Variants in NSUN2 observed in about 807,000 individuals in gnomAD.
NSUN2 encodes the protein RNA cytosine C(5)-methyltransferase NSUN2.
A neutral mutation model predicts 92.7 loss-of-function variants in NSUN2; 63 were observed. The ratio of observed to expected loss-of-function variants is 0.68; its 90% CI spans 0.56 to 0.84. NSUN2 has a LOEUF of 0.84. Among genes scored for constraint, NSUN2 ranks in the 40% least tolerant of loss-of-function variants. NSUN2 has a pLI of 0.00. For missense variants in NSUN2, 989 were observed against 964.9 expected (o/e 1.02, Z -0.33); for synonymous variants, 356 against 348.3 (o/e 1.02, Z -0.25).
intron 9 of NSUN2, among the ~76,000 whole-genome samples, chr5:6,615,431 T>G (rs1017403079): frequency 3.9e-5 from 6 of 152,158 alleles, no homozygotes; most frequent in African/African-American, 1.2e-4. Context: ...GTAATTTCAT[T>G]ACAACTAAAC....
chr5:6,609,185 G>C (rs1279264203), intron 12 of NSUN2, among the ~76,000 whole-genome samples: 1 of 152,176 alleles, frequency 6.6e-6, no homozygotes, highest in Non-Finnish European at 1.5e-5. Context: ...TTCCAGGCCA[G>C]GTTCTTTCAT....
intron 18 of NSUN2, among the ~76,000 whole-genome samples, chr5:6,601,342 G>A (rs989255634): frequency 6.6e-5 from 10 of 151,978 alleles, no homozygotes; most frequent in South Asian, 6.2e-4. Context: ...TCAAACTCTC[G>A]TTAAAAACAC....
rs3996725 is a variant in NSUN2 at position 6,606,697 on chromosome 5, TAAA to T, written c.1601+120_1601+122del. The stretch of plus-strand genomic sequence containing the variant: ...TGCTCTAATATGCAGTTAAAAAGGT[TAAA>T]AAAAAAAAAAAAGCTAGACAGAACT... On this transcript the variant is annotated intron_variant, in intron 14 of 18. Transcript: ENST00000264670. 0.52 allele frequency: 245,134 copies of T among 470,702 alleles called. 48,204 individuals are homozygous for T. Among genetic ancestry groups the T allele is most frequent in the Non-Finnish European group, 0.55 (147,391 of 267,018 alleles). The allele number at this position is 470,702 out of a possible 1,614,324, so 29.2% of individuals were successfully genotyped here.
At chr5:6,606,596 T>A (rs572620687) in intron 14 of NSUN2, among the ~76,000 whole-genome samples, 15 of 152,170 alleles carry the variant, frequency 9.9e-5, no homozygotes, top group East Asian at 5.8e-4. Flanking sequence ...AGTTTTTTTT[T>A]ATCTATCATG....
chr5:6,623,292 GAAA>G lies in NSUN2; in HGVS notation c.466-10_466-8del, dbSNP rs368018490. On this transcript the variant is annotated splice_polypyrimidine_tract_variant and splice_region_variant and intron_variant, in intron 4 of 18. Transcript: ENST00000264670. ...CTTGACGACTAATATTTCCCTTGAG[GAAA>G]AAAAAAAAATCAGCAACAATTAGGA... 7 of 1,092,812 alleles carry G rather than the reference GAAA, an allele frequency of 6.4e-6. No homozygotes were observed. Among genetic ancestry groups the G allele is most frequent in the South Asian group, 3.3e-5 (2 of 59,798 alleles). 67.7% of individuals were successfully genotyped at this position (1,092,812 alleles called of 1,614,324 possible). A position where few individuals can be genotyped will look rare whatever the true frequency, so the allele number is the denominator to read the frequency against.
intron 4 of NSUN2, among the ~76,000 whole-genome samples, 180 bp downstream of exon 4, chr5:6,625,384 A>G (rs764357223): frequency 6.6e-6 from 1 of 152,204 alleles, no homozygotes; most frequent in Non-Finnish European, 1.5e-5. Context: ...AGATAAACCA[A>G]ACAAGGCAAC....
At position 6,620,313 on chromosome 5, in the gene NSUN2, T is replaced by C. The variant is rs1264076812; in HGVS notation, c.623-15A>G. On this transcript the variant is annotated splice_polypyrimidine_tract_variant and intron_variant, in intron 6 of 18. Transcript: ENST00000264670. ...AACAAATCCCTCTGAAGGCACAGAA[T>C]TGCAGTGTCAGGTGAAATGGAGCCT... The C allele has an allele frequency of 1.3e-6, 2 of 1,538,316 alleles. No homozygotes were observed. Among genetic ancestry groups the C allele is most frequent in the Middle Eastern group, 1.9e-4 (1 of 5,270 alleles).
intron 8 of NSUN2, among the ~76,000 whole-genome samples, 155 bp from the exon 9 acceptor site, chr5:6,617,012 CT>C (rs1250255820): frequency 6.6e-6 from 1 of 152,008 alleles, no homozygotes. Flanking sequence ...TTAGAGTAAA[CT>C]TATATAAAGT....
At chr5:6,601,061 G>A (rs1736533803) in intron 18 of NSUN2, among the ~76,000 whole-genome samples, 2 of 152,046 alleles carry the variant, frequency 1.3e-5, no homozygotes, top group South Asian at 2.1e-4. Flanking sequence ...CCTAACGGCC[G>A]TGTTTAATCA....
rs759613821 is a variant in NSUN2 at position 6,611,054 on chromosome 5, T to C, written c.1127A>G (p.Asp376Gly). The change falls in exon 11 of 19, where the codon GAC becomes GGC. Residue 376 changes from aspartate to glycine, a missense_variant. Transcript: ENST00000264670. Reference protein sequence around the residue: ...VMTKDGQWFTDWDAVPHSRHT... With the variant: ...VMTKDGQWFTGWDAVPHSRHT... ...TCTGCTGTGAGGAACAGCGTCCCAG[T>C]CTGTAAACCACTGCCCATCTTTCGT... is the stretch of plus-strand genomic sequence containing the variant. The C allele has an allele frequency of 3.7e-6, 6 of 1,614,032 alleles. No homozygotes were observed. In the East Asian group the frequency reaches 1.1e-4, roughly 30 times the overall value.
chr5:6,618,986 T>C (rs898895258), intron 7 of NSUN2, among the ~76,000 whole-genome samples: 1 of 152,206 alleles, frequency 6.6e-6, no homozygotes, highest in African/African-American at 2.4e-5. Flanking sequence ...ACACTAGTTG[T>C]TTGCATGGTA....
intron 16 of NSUN2, 120 bp from the exon 17 acceptor site, chr5:6,604,396 T>C (rs1736675899): frequency 2.9e-6 from 3 of 1,024,164 alleles, no homozygotes; most frequent in Non-Finnish European, 4.3e-6. Context: ...CTATGGCCCC[T>C]CCCCTTGGAC....
chr5:6,620,616 G>A, intron 6 of NSUN2: 1 of 201,066 alleles, frequency 5.0e-6, no homozygotes, highest in Non-Finnish European at 9.9e-6. Context: ...AAGATGAGGA[G>A]AAAGGTGTAG....
rs571550 is a variant in NSUN2 at position 6,632,796 on chromosome 5, G to A, written c.97-40C>T. The A allele has an allele frequency of 0.52, 828,811 of 1,595,650 alleles. 217,369 individuals carry two copies. The highest frequency in any genetic ancestry group is 0.67 in the African/African-American group (49,898 of 74,390). ...AGACGTCTACCCCGAGGCCCAAGGAGCCGCCCCCTCGCCGCCGCCTCGCAG... is the reference window on the plus strand; with the variant it reads ...AGACGTCTACCCCGAGGCCCAAGGAACCGCCCCCTCGCCGCCGCCTCGCAG... On this transcript the variant is annotated intron_variant, in intron 1 of 18. Coordinates refer to ENST00000264670, the MANE Select transcript of NSUN2 (RefSeq NM_017755.6).
chr5:6,604,946 T>C (rs1736701589), intron 15 of NSUN2: 2 of 598,580 alleles, frequency 3.3e-6, no homozygotes, highest in South Asian at 4.1e-5. Context: ...ATCCCAAGGG[T>C]CGGGGCAGCA....
chr5:6,611,114 T>A (rs1233947786), intron 10 of NSUN2, 29 bp from the exon 11 acceptor site: 6 of 1,613,710 alleles, frequency 3.7e-6, no homozygotes, highest in South Asian at 3.3e-5. Context: ...CATTCCAGAT[T>A]ACTAGCACTA....
At chr5:6,611,168 C>T in intron 10 of NSUN2, 83 bp from the exon 11 acceptor site, 1 of 1,448,792 alleles carries the variant, frequency 6.9e-7, no homozygotes, top group Non-Finnish European at 9.5e-7. Flanking sequence ...TCCATTCTCT[C>T]AAAGGTGACA....
chr5:6,624,918 T>C, intron 4 of NSUN2, among the ~76,000 whole-genome samples: 1 of 152,084 alleles, frequency 6.6e-6, no homozygotes, highest in East Asian at 1.9e-4. Flanking sequence ...CATAAGCAAA[T>C]AGCTGTTTTG....
intron 8 of NSUN2, 40 bp downstream of exon 8, chr5:6,617,910 A>C (rs762472551): frequency 1.4e-6 from 2 of 1,447,138 alleles, no homozygotes; most frequent in Admixed American, 1.8e-5. Flanking sequence ...CTGCTGATCT[A>C]CTTGTCACAC....
Sources: gnomAD v4.1 joint callset for allele counts (sites outside exome capture counted in the v4.1 genomes callset) on GRCh38, gnomAD v4.1.1 for gene constraint, MANE v1.5 for transcripts, NCBI Gene and HGNC (gene_info 2026-07-23, HGNC 2026-07-21) for gene names.